Variants in STEAP1B observed in about 807,000 individuals in gnomAD.
STEAP1B encodes the protein STEAP family member 1B, also known as STEAP family protein MGC87042.
STEAP1B carries 13 observed loss-of-function variants against 27.9 expected under a neutral mutation model. That is an observed-to-expected ratio of 0.47 (90% confidence interval 0.30 to 0.74). The LOEUF is 0.74. STEAP1B is among the 30% of genes least tolerant of loss of function. The probability of loss-of-function intolerance (pLI) is 0.06; values close to 1 mark genes in which losing one functional copy is unlikely to be tolerated. For synonymous variants in STEAP1B, 86 were observed against 107.1 expected (o/e 0.80, Z 1.22); for missense variants, 250 against 298.7 (o/e 0.84, Z 1.20).
intron 4 of STEAP1B, among the ~76,000 whole-genome samples, chr7:22,445,724 A>T (rs1785399892): frequency 6.6e-6 from 1 of 152,290 alleles, no homozygotes; most frequent in Admixed American, 6.5e-5. Context: ...CTCTCCAAGC[A>T]GCCCAACCCC....
intron 4 of STEAP1B, chr7:22,438,735 C>G (rs1293006578): frequency 6.4e-7 from 1 of 1,551,428 alleles, no homozygotes; most frequent in East Asian, 2.4e-5. Flanking sequence ...ACAAAGCTAC[C>G]AGGCTTCCAG....
At chr7:22,467,665 T>C (rs752069020) in intron 4 of STEAP1B, among the ~76,000 whole-genome samples, 1 of 152,188 alleles carries the variant, frequency 6.6e-6, no homozygotes, top group Non-Finnish European at 1.5e-5. Flanking sequence ...TGCTTGGATC[T>C]CACTCTTCTC....
At chr7:22,462,118 C>T (rs1277334616) in intron 4 of STEAP1B, among the ~76,000 whole-genome samples, 1 of 152,098 alleles carries the variant, frequency 6.6e-6, no homozygotes, top group African/African-American at 2.4e-5. Context: ...AGTATCACTA[C>T]CAACTAAAAA....
At chr7:22,420,805 T>C (rs180681395) in intron 4 of STEAP1B, among the ~76,000 whole-genome samples, 216 of 152,320 alleles carry the variant, frequency 1.4e-3, no homozygotes, top group African/African-American at 4.7e-3. Context: ...ATCACTTACA[T>C]GTATAAACTC....
chr7:22,440,883 T>C (rs921478356), intron 4 of STEAP1B, among the ~76,000 whole-genome samples: 1 of 151,358 alleles, frequency 6.6e-6, no homozygotes. Flanking sequence ...TTATTCCACT[T>C]ATATTTTCTT....
intron 1 of STEAP1B, among the ~76,000 whole-genome samples, chr7:22,497,411 T>G (rs2128419455): frequency 6.6e-6 from 1 of 152,260 alleles, no homozygotes; most frequent in Middle Eastern, 3.4e-3. Flanking sequence ...ATTTCAGTAT[T>G]TAGAGTCCCT....
At chr7:22,431,037 T>C (rs1388912857) in intron 4 of STEAP1B, among the ~76,000 whole-genome samples, 1 of 152,240 alleles carries the variant, frequency 6.6e-6, no homozygotes, top group Non-Finnish European at 1.5e-5. Context: ...GTGCAATGAA[T>C]GGGAAAATGT....
intron 4 of STEAP1B, among the ~76,000 whole-genome samples, chr7:22,476,844 C>T (rs1785981453): frequency 6.6e-6 from 1 of 152,150 alleles, no homozygotes; most frequent in Non-Finnish European, 1.5e-5. Context: ...CATCTGAAAA[C>T]CTGACTAAGG....
At chr7:22,456,972 A>ATTTTTTTTTTTT (rs3064738) in intron 4 of STEAP1B, among the ~76,000 whole-genome samples, 7 of 57,044 alleles carry the variant, frequency 1.2e-4, no homozygotes, top group African/African-American at 4.9e-4. Context: ...ATATATATAT[A>ATTTTTTTTTTTT]TTTTTTTTTT....
intron 4 of STEAP1B, among the ~76,000 whole-genome samples, chr7:22,484,972 T>C (rs1206610978): frequency 6.6e-6 from 1 of 152,256 alleles, no homozygotes; most frequent in African/African-American, 2.4e-5. Context: ...TGCAATTTCA[T>C]GATAAAACTT....
intron 4 of STEAP1B, among the ~76,000 whole-genome samples, chr7:22,484,886 A>G (rs953870082): frequency 1.3e-5 from 2 of 152,220 alleles, no homozygotes; most frequent in African/African-American, 4.8e-5. Context: ...CAGTGGAAAA[A>G]GTCAATGCAG....
chr7:22,425,198 G>T (rs2128398693), intron 4 of STEAP1B, among the ~76,000 whole-genome samples: 1 of 152,258 alleles, frequency 6.6e-6, no homozygotes, highest in East Asian at 1.9e-4. Flanking sequence ...GTGTCACAAT[G>T]ATTTGGTATG....
At position 22,419,612 on chromosome 7, in the gene STEAP1B, T is replaced by C; in HGVS notation, c.*192A>G. The stretch of plus-strand genomic sequence containing the variant: ...CAACACATATGGACTTTTTGTTTGC[T>C]CTCTCATGAGTCCGCTGGGGGATCC... On this transcript the variant is annotated 3_prime_UTR_variant, in exon 5 of 5. Transcript: ENST00000678116. 1 of 499,470 alleles carries C rather than the reference T, an allele frequency of 2.0e-6. No homozygotes were observed. Among genetic ancestry groups the C allele is most frequent in the Non-Finnish European group, 3.5e-6 (1 of 288,596 alleles). The allele number at this position is 499,470 out of a possible 1,614,324, so 30.9% of individuals were successfully genotyped here. A position where few individuals can be genotyped will look rare whatever the true frequency, so the allele number is the denominator to read the frequency against.
chr7:22,466,558 T>C (rs146838947), intron 4 of STEAP1B, among the ~76,000 whole-genome samples: 169 of 152,220 alleles, frequency 1.1e-3, no homozygotes, highest in African/African-American at 3.7e-3. Context: ...AGCACCTTGA[T>C]CTTGAACTTC....
intron 1 of STEAP1B, 47 bp from the exon 2 acceptor site, chr7:22,494,933 G>A: frequency 1.0e-6 from 1 of 973,492 alleles, no homozygotes; most frequent in South Asian, 1.8e-5. Context: ...TACTTATGAT[G>A]TGAATGTCTG....
rs550216022 is a variant in STEAP1B at position 22,446,751 on chromosome 7, C to T, written c.763-26915G>A. ...GAATGTGGGTTTTGTTTCAGGTAAACGACTCAAGCCTGGTCCCAAGTTGAA... is the reference window on the plus strand; with the variant it reads ...GAATGTGGGTTTTGTTTCAGGTAAATGACTCAAGCCTGGTCCCAAGTTGAA... On this transcript the variant is annotated intron_variant, in intron 4 of 4. Coordinates refer to ENST00000678116, the MANE Select transcript of STEAP1B (RefSeq NM_001382447.1). Among the ~76,000 whole-genome samples, 3 of 152,200 alleles carry T rather than the reference C, an allele frequency of 2.0e-5. No homozygotes were observed. In the South Asian group the frequency reaches 6.2e-4, roughly 32 times the overall value.
chr7:22,460,536 G>A (rs1177282323), intron 4 of STEAP1B, among the ~76,000 whole-genome samples: 2 of 152,170 alleles, frequency 1.3e-5, no homozygotes, highest in Non-Finnish European at 2.9e-5. Context: ...AAGCTGGGGA[G>A]CGGGCCATCA....
chr7:22,428,532 C>T (rs1183804984), intron 4 of STEAP1B, among the ~76,000 whole-genome samples: 2 of 148,926 alleles, frequency 1.3e-5, no homozygotes, highest in Non-Finnish European at 1.5e-5. Flanking sequence ...GAAAGATGAA[C>T]GGTCCAACTA....
chr7:22,473,229 C>T (rs999600865), intron 4 of STEAP1B, among the ~76,000 whole-genome samples: 3 of 152,150 alleles, frequency 2.0e-5, no homozygotes, highest in Admixed American at 6.5e-5. Context: ...GCAACTCACA[C>T]CAGCCCTTGG....
Sources: gnomAD v4.1 joint callset for allele counts (sites outside exome capture counted in the v4.1 genomes callset) on GRCh38, gnomAD v4.1.1 for gene constraint, MANE v1.5 for transcripts, NCBI Gene and HGNC (gene_info 2026-07-23, HGNC 2026-07-21) for gene names.